GRID2: variants seen among roughly 807,000 people sequenced by gnomAD.
The protein encoded by GRID2 is glutamate receptor ionotropic, delta-2.
In GRID2, 33 loss-of-function variants were observed where a neutral mutation model predicts 114.8. The observed-to-expected ratio is 0.29, with a 90% CI of 0.22 to 0.38. GRID2 has a LOEUF of 0.38. Ranked by LOEUF, GRID2 falls within the 10% of genes least tolerant of loss-of-function variation. The pLI is 1.00. For synonymous variants in GRID2, 505 were observed against 449.9 expected (o/e 1.12, Z -1.55); for missense variants, 1,184 against 1,257.7 (o/e 0.94, Z 0.89).
intron 8 of GRID2, among the ~76,000 whole-genome samples, chr4:93,352,179 C>T (rs2870699): frequency 0.66 from 100,472 of 151,828 alleles, 33,649 homozygotes; most frequent in African/African-American, 0.76. Context: ...CAGGCATTCT[C>T]ATCAGAGGGA....
At chr4:93,393,531 T>A (rs1765051840) in intron 8 of GRID2, among the ~76,000 whole-genome samples, 1 of 151,960 alleles carries the variant, frequency 6.6e-6, no homozygotes, top group Non-Finnish European at 1.5e-5. Flanking sequence ...ATTAGATATA[T>A]TTACCTATTC....
At chr4:93,416,648 A>G (rs1373091247) in intron 9 of GRID2, among the ~76,000 whole-genome samples, 2 of 152,090 alleles carry the variant, frequency 1.3e-5, no homozygotes, top group Non-Finnish European at 2.9e-5. Flanking sequence ...CATCACTAGC[A>G]AACAATATTA....
chr4:93,012,036 A>G (rs1004942852), intron 2 of GRID2, among the ~76,000 whole-genome samples: 1 of 151,626 alleles, frequency 6.6e-6, no homozygotes, highest in Admixed American at 6.6e-5. Context: ...GGTCACCTGG[A>G]AACTCTGTGA....
intron 2 of GRID2, among the ~76,000 whole-genome samples, chr4:92,709,585 A>ATAT (rs1392277814): frequency 2.6e-4 from 32 of 124,366 alleles, no homozygotes; most frequent in African/African-American, 9.1e-4. Flanking sequence ...AAAAAAAAAA[A>ATAT]AAAAATATAT....
At chr4:93,438,547 T>C (rs900726984) in intron 10 of GRID2, among the ~76,000 whole-genome samples, 11 of 152,134 alleles carry the variant, frequency 7.2e-5, no homozygotes, top group Admixed American at 4.6e-4. Context: ...TGAGAATGCA[T>C]TGGAGTGAGG....
At chr4:92,384,891 T>G (rs2110247084) in intron 1 of GRID2, among the ~76,000 whole-genome samples, 1 of 150,808 alleles carries the variant, frequency 6.6e-6, no homozygotes, top group Admixed American at 6.7e-5. Context: ...CAGGATGGCC[T>G]TGGAAGCAGT....
intron 1 of GRID2, among the ~76,000 whole-genome samples, chr4:92,376,266 C>G (rs1481483712): frequency 6.6e-6 from 1 of 151,980 alleles, no homozygotes; most frequent in Non-Finnish European, 1.5e-5. Flanking sequence ...GCCAAAATTG[C>G]ACCACTGCAC....
intron 13 of GRID2, among the ~76,000 whole-genome samples, chr4:93,548,530 A>G (rs1733453925): frequency 6.6e-6 from 1 of 152,196 alleles, no homozygotes; most frequent in Non-Finnish European, 1.5e-5. Context: ...ATCATTGTGG[A>G]AAAGATGTTA....
Position 92,867,005 on chromosome 4 carries a change from T to C in GRID2, c.245-217990T>C, listed in dbSNP as rs924074302. ...AGCTTTTATGTCCATCATATTATCATGTCTTCCTTCAGTCTTCCTGTGGAT... is the reference window on the plus strand; with the variant it reads ...AGCTTTTATGTCCATCATATTATCACGTCTTCCTTCAGTCTTCCTGTGGAT... On this transcript the variant is annotated intron_variant, in intron 2 of 15. Coordinates refer to ENST00000282020, the MANE Select transcript of GRID2 (RefSeq NM_001510.4). Among the ~76,000 whole-genome samples, 3 of 152,304 alleles carry C rather than the reference T, an allele frequency of 2.0e-5. No homozygotes were observed. In the East Asian group the frequency reaches 5.8e-4, roughly 29 times the overall value.
At chr4:92,489,931 G>A (rs919686027) in intron 1 of GRID2, among the ~76,000 whole-genome samples, 5 of 151,800 alleles carry the variant, frequency 3.3e-5, no homozygotes, top group Admixed American at 6.6e-5. Flanking sequence ...TAAAATTAAG[G>A]AAGTCTTTGC....
At chr4:93,179,603 T>A (rs1739691328) in intron 4 of GRID2, among the ~76,000 whole-genome samples, 1 of 152,234 alleles carries the variant, frequency 6.6e-6, no homozygotes, top group Non-Finnish European at 1.5e-5. Flanking sequence ...GTGTTTACAA[T>A]GAGCCAGGCA....
intron 1 of GRID2, among the ~76,000 whole-genome samples, chr4:92,334,718 G>A (rs763281870): frequency 2.0e-5 from 3 of 152,106 alleles, no homozygotes; most frequent in Non-Finnish European, 4.4e-5. Context: ...CTACTACAAT[G>A]GGGACTAAGA....
chr4:92,611,544 A>G (rs1729744851), intron 2 of GRID2, among the ~76,000 whole-genome samples: 1 of 151,546 alleles, frequency 6.6e-6, no homozygotes, highest in Admixed American at 6.6e-5. Flanking sequence ...TTTTGAGGGG[A>G]CACAAACATT....
intron 3 of GRID2, among the ~76,000 whole-genome samples, chr4:93,085,546 A>C (rs908311289): frequency 7.9e-5 from 12 of 152,178 alleles, no homozygotes; most frequent in Non-Finnish European, 1.5e-4. Context: ...ATCTGATTCC[A>C]ATACATCTTG....
intron 2 of GRID2, among the ~76,000 whole-genome samples, chr4:92,722,541 AG>A (rs1201077166): frequency 1.3e-5 from 2 of 152,170 alleles, no homozygotes; most frequent in African/African-American, 4.8e-5. Context: ...AAACATGACA[AG>A]GGGAAAGAGA....
intron 1 of GRID2, among the ~76,000 whole-genome samples, chr4:92,308,544 T>C (rs1877598): frequency 0.17 from 26,493 of 152,076 alleles, 3,260 homozygotes; most frequent in African/African-American, 0.36. Flanking sequence ...AAACCTAAGA[T>C]AATCCACAGA....
At chr4:92,605,279 G>T (rs1385426049) in intron 2 of GRID2, among the ~76,000 whole-genome samples, 1 of 151,932 alleles carries the variant, frequency 6.6e-6, no homozygotes, top group African/African-American at 2.4e-5. Flanking sequence ...ACGGAAACTA[G>T]GAATTTCCAA....
chr4:93,343,715 A>G (rs1047904911), intron 8 of GRID2, among the ~76,000 whole-genome samples: 2 of 152,114 alleles, frequency 1.3e-5, no homozygotes, highest in Non-Finnish European at 1.5e-5. Context: ...GGGGAATCAA[A>G]TATTATGTTA....
intron 14 of GRID2, among the ~76,000 whole-genome samples, chr4:93,712,299 T>A (rs1728554428): frequency 6.6e-6 from 1 of 152,120 alleles, no homozygotes; most frequent in South Asian, 2.1e-4. Flanking sequence ...AATCTATCTT[T>A]TAGTGTGCTG....
Sources: gnomAD v4.1 joint callset for allele counts (sites outside exome capture counted in the v4.1 genomes callset) on GRCh38, gnomAD v4.1.1 for gene constraint, MANE v1.5 for transcripts, NCBI Gene and HGNC (gene_info 2026-07-23, HGNC 2026-07-21) for gene names.